Variants in PYY observed in about 807,000 individuals in gnomAD.
PYY encodes the protein peptide tyrosine tyrosine.
In PYY, 12 loss-of-function variants were observed where a neutral mutation model predicts 10.3. The ratio of observed to expected loss-of-function variants is 1.17; its 90% confidence interval spans 0.75 to 1.89. PYY has a LOEUF of 1.89. PYY is among the 40% of genes most tolerant of loss of function. The probability of loss-of-function intolerance (pLI) is 0.00; values close to 1 mark genes in which losing one functional copy is unlikely to be tolerated. For synonymous variants in PYY, 66 were observed against 62.0 expected (o/e 1.06, Z -0.30); for missense variants, 141 against 134.0 (o/e 1.05, Z -0.26).
In PYY at chr17:43,973,569, G is replaced by A. The variant is rs142739683; in HGVS notation, c.-462-7037C>T. ...AGCACTTTGGGAGGCCAAGGTGGGTGGATCACCTGAAGTCCAGGAGTTCGA... is the reference window on the plus strand; with the variant it reads ...AGCACTTTGGGAGGCCAAGGTGGGTAGATCACCTGAAGTCCAGGAGTTCGA... On this transcript the variant is annotated intron_variant, in intron 1 of 6. Transcript: ENST00000360085. Among the ~76,000 whole-genome samples, 205 of 152,292 alleles carry A rather than the reference G, an allele frequency of 1.3e-3. 3 individuals carry two copies. Among genetic ancestry groups the A allele is most frequent in the African/African-American group, 4.8e-3 (199 of 41,562 alleles).
chr17:43,994,481 C>T (rs538507087), intron 1 of PYY, among the ~76,000 whole-genome samples: 2 of 152,252 alleles, frequency 1.3e-5, no homozygotes, highest in East Asian at 3.9e-4. Context: ...GGGAGAGAAG[C>T]TTTCTCCCTA....
intron 1 of PYY, among the ~76,000 whole-genome samples, chr17:43,994,451 C>T (rs1030721922): frequency 1.3e-5 from 2 of 152,116 alleles, no homozygotes; most frequent in East Asian, 1.9e-4. Flanking sequence ...CTGTTTGAGC[C>T]GCAGCCACCG....
intron 1 of PYY, among the ~76,000 whole-genome samples, chr17:43,992,741 T>C (rs146850235): frequency 2.0e-4 from 31 of 151,744 alleles, no homozygotes; most frequent in African/African-American, 7.3e-4. Context: ...ACAAAATTAG[T>C]CGGGTATGGT....
In PYY at chr17:43,983,510, G is replaced by A. The variant is rs374666023; in HGVS notation, c.-462-16978C>T. On this transcript the variant is annotated intron_variant, in intron 1 of 6. Coordinates refer to the PYY transcript ENST00000360085. The stretch of plus-strand genomic sequence containing the variant: ...AGGGATCTGGGTGCCTGTTCCCAAG[G>A]GGAGAATGAGAACTGTTAGGCAGCA... Among the ~76,000 whole-genome samples, 304 of 152,310 alleles carry A rather than the reference G, an allele frequency of 2.0e-3. 5 individuals are homozygous for A. The highest frequency in any genetic ancestry group is 7.1e-3 in the African/African-American group (296 of 41,576).
intron 1 of PYY, among the ~76,000 whole-genome samples, chr17:43,968,161 A>G (rs986618005): frequency 6.6e-6 from 1 of 151,930 alleles, no homozygotes; most frequent in African/African-American, 2.4e-5. Flanking sequence ...GAGGTGGATC[A>G]CTTGCGGGCA....
chr17:43,956,124 CTG>C (rs1014809308), upstream of PYY, among the ~76,000 whole-genome samples: 3 of 152,058 alleles, frequency 2.0e-5, no homozygotes, highest in African/African-American at 7.2e-5. Context: ...AGGAGAGACA[CTG>C]TAGAAGCTAG....
chr17:43,962,023 T>G (rs116530131), intron 2 of PYY, among the ~76,000 whole-genome samples: 21 of 152,248 alleles, frequency 1.4e-4, no homozygotes, highest in African/African-American at 5.1e-4. Context: ...CCATCAGTCT[T>G]AGGAAAGAGA....
chr17:43,962,061 T>TC (rs2048716030), intron 2 of PYY, among the ~76,000 whole-genome samples: 1 of 152,188 alleles, frequency 6.6e-6, no homozygotes, highest in South Asian at 2.1e-4. Flanking sequence ...GTACCTATTT[T>TC]CCCCTTCTTC....
chr17:43,991,399 C>G (rs1489471047), intron 1 of PYY, among the ~76,000 whole-genome samples: 1 of 151,974 alleles, frequency 6.6e-6, no homozygotes, highest in Non-Finnish European at 1.5e-5. Context: ...TCATTGCACT[C>G]CAGCCTGGGC....
intron 1 of PYY, among the ~76,000 whole-genome samples, chr17:43,974,772 A>G (rs1212850542): frequency 6.6e-6 from 1 of 152,206 alleles, no homozygotes; most frequent in East Asian, 1.9e-4. Flanking sequence ...AGTTACAGCA[A>G]ATTGAAAAAG....
intron 1 of PYY, among the ~76,000 whole-genome samples, chr17:43,981,157 C>T (rs2048881468): frequency 6.6e-6 from 1 of 152,034 alleles, no homozygotes; most frequent in South Asian, 2.1e-4. Flanking sequence ...AGCATGAGAC[C>T]ATGCCTGGCC....
At chr17:43,968,842 T>C (rs937504544) in intron 1 of PYY, among the ~76,000 whole-genome samples, 14 of 151,428 alleles carry the variant, frequency 9.2e-5, no homozygotes, top group African/African-American at 3.2e-4. Context: ...GCTCAGTGGC[T>C]CAAGCCTGTA....
At chr17:43,998,934 T>C (rs781202698) in intron 1 of PYY, among the ~76,000 whole-genome samples, 1 of 152,124 alleles carries the variant, frequency 6.6e-6, no homozygotes, top group Non-Finnish European at 1.5e-5. Flanking sequence ...AGATCTGCAG[T>C]TCAGAAGAAT....
intron 1 of PYY, among the ~76,000 whole-genome samples, chr17:43,999,768 C>CAAA (rs199527024): frequency 7.7e-6 from 1 of 129,230 alleles, no homozygotes; most frequent in Non-Finnish European, 1.7e-5. Flanking sequence ...AACTCCGTCT[C>CAAA]AAAAAAAAAA....
At chr17:43,979,747 G>C (rs2048870651) in intron 1 of PYY, among the ~76,000 whole-genome samples, 1 of 151,400 alleles carries the variant, frequency 6.6e-6, no homozygotes, top group Non-Finnish European at 1.5e-5. Context: ...AGCGGTGGGG[G>C]GAGAAATGGG....
intron 1 of PYY, among the ~76,000 whole-genome samples, chr17:43,973,624 G>A (rs987628437): frequency 4.6e-5 from 7 of 152,004 alleles, no homozygotes; most frequent in Admixed American, 2.0e-4. Flanking sequence ...GTGAAACCCC[G>A]TCTCTACTAA....
At chr17:43,979,853 T>C (rs2048871318) in intron 1 of PYY, among the ~76,000 whole-genome samples, 1 of 152,138 alleles carries the variant, frequency 6.6e-6, no homozygotes. Flanking sequence ...GACACACAGC[T>C]TCAATTTACC....
At chr17:43,994,147 C>A (rs1004466236) in intron 1 of PYY, among the ~76,000 whole-genome samples, 1 of 144,770 alleles carries the variant, frequency 6.9e-6, no homozygotes, top group African/African-American at 2.5e-5. Flanking sequence ...GGCCACTACA[C>A]CCAGCCTGAA....
intron 2 of PYY, among the ~76,000 whole-genome samples, chr17:43,965,719 C>T (rs1244968473): frequency 2.1e-4 from 26 of 122,894 alleles, no homozygotes; most frequent in African/African-American, 7.2e-4. Flanking sequence ...ACCCGGGAGG[C>T]GGAGGTTTCA....
Sources: allele counts gnomAD v4.1 joint callset (sites outside exome capture counted in the v4.1 genomes callset), GRCh38; gene constraint gnomAD v4.1.1; transcripts MANE v1.5; gene names NCBI Gene and HGNC (gene_info 2026-07-23, HGNC 2026-07-21).